The following ASAP1 variants were observed in gnomAD, a reference collection of about 807,000 sequenced individuals.
ASAP1 encodes ArfGAP with SH3 domain, ankyrin repeat and PH domain 1, also known as arf-GAP with SH3 domain, ANK repeat and PH domain-containing protein 1.
A neutral mutation model predicts 145.2 loss-of-function variants in ASAP1; 43 were observed. That is an observed-to-expected ratio of 0.30 (90% CI 0.23 to 0.38). The LOEUF is 0.38. Ranked by LOEUF, ASAP1 falls within the 10% of genes least tolerant of loss-of-function variation. The pLI is 1.00. For synonymous variants in ASAP1, 546 were observed against 515.5 expected (o/e 1.06, Z -0.80); for missense variants, 1,018 against 1,355.3 (o/e 0.75, Z 3.91).
intron 2 of ASAP1, among the ~76,000 whole-genome samples, chr8:130,394,975 C>T (rs1231072264): frequency 1.3e-5 from 2 of 152,168 alleles, no homozygotes; most frequent in African/African-American, 2.4e-5. Flanking sequence ...CCCAGCTTTC[C>T]AATCAAGGTA....
intron 1 of ASAP1, among the ~76,000 whole-genome samples, chr8:130,443,125 C>G (rs1228041824): frequency 2.0e-5 from 3 of 152,078 alleles, no homozygotes; most frequent in South Asian, 4.1e-4. Context: ...CGGGCCCTCC[C>G]CCGGAGGGGG....
intron 2 of ASAP1, among the ~76,000 whole-genome samples, chr8:130,359,004 G>C (rs534401539): frequency 1.1e-3 from 170 of 152,168 alleles, no homozygotes; most frequent in South Asian, 2.5e-3. Context: ...GAGGGCCGCC[G>C]ACCCCGCGAA....
At chr8:130,344,838 A>G (rs937715706) in intron 3 of ASAP1, among the ~76,000 whole-genome samples, 4 of 152,210 alleles carry the variant, frequency 2.6e-5, no homozygotes, top group Admixed American at 2.6e-4. Flanking sequence ...AACAGACTAT[A>G]AAAGGTATGG....
intron 24 of ASAP1, among the ~76,000 whole-genome samples, chr8:130,102,294 T>G (rs916022426): frequency 1.5e-4 from 23 of 152,206 alleles, no homozygotes; most frequent in African/African-American, 4.8e-4. Flanking sequence ...TTATTGAAGG[T>G]TTTTATTATG....
At chr8:130,088,358 G>C (rs2097498266) in intron 25 of ASAP1, among the ~76,000 whole-genome samples, 1 of 152,164 alleles carries the variant, frequency 6.6e-6, no homozygotes, top group South Asian at 2.1e-4. Flanking sequence ...TTGAACTCCA[G>C]ACCTCAAGTG....
chr8:130,220,155 T>C (rs1455759083), intron 4 of ASAP1, among the ~76,000 whole-genome samples: 1 of 152,102 alleles, frequency 6.6e-6, no homozygotes, highest in Non-Finnish European at 1.5e-5. Flanking sequence ...AATATGAGAA[T>C]GAAATCTGGT....
intron 11 of ASAP1, among the ~76,000 whole-genome samples, chr8:130,164,626 C>A (rs1479384656): frequency 9.9e-5 from 15 of 152,114 alleles, no homozygotes; most frequent in Non-Finnish European, 4.4e-5. Context: ...ACTCTAAAAA[C>A]AGTTATATAG....
intron 3 of ASAP1, among the ~76,000 whole-genome samples, chr8:130,286,782 G>A (rs1444466486): frequency 1.3e-5 from 2 of 152,158 alleles, no homozygotes; most frequent in African/African-American, 4.8e-5. Context: ...CTGCCCAAAC[G>A]AATGCACAAA....
At chr8:130,396,348 C>T (rs1828529558) in intron 2 of ASAP1, among the ~76,000 whole-genome samples, 1 of 152,140 alleles carries the variant, frequency 6.6e-6, no homozygotes, top group Admixed American at 6.5e-5. Context: ...CACACAGTCG[C>T]TGCTTAATAA....
chr8:130,159,875 C>A lies in ASAP1; in HGVS notation c.999G>T (p.Lys333Asn). The change falls in exon 12 of 30, where the codon AAG becomes AAT. Residue 333 changes from lysine to asparagine, a missense_variant. Transcript: ENST00000518721. Reference protein sequence around the residue: ...YGSEKKGYLLKKSDGIRKVWQ... With the variant: ...YGSEKKGYLLNKSDGIRKVWQ... ...GGGCTCATACATACCCGTCACTTTT[C>A]TTTAGCAGGTACCCCTTCTTTTCAC... The A allele has an allele frequency of 6.2e-7, 1 of 1,613,796 alleles. No homozygotes were observed. The highest frequency in any genetic ancestry group is 8.5e-7 in the Non-Finnish European group (1 of 1,179,690).
chr8:130,111,205 T>A (rs2097546180), intron 24 of ASAP1, among the ~76,000 whole-genome samples: 1 of 87,826 alleles, frequency 1.1e-5, no homozygotes, highest in Non-Finnish European at 2.1e-5. Context: ...AGACCTCATC[T>A]CTACCAAAAA....
chr8:130,191,900 C>G (rs1038597356), intron 5 of ASAP1, among the ~76,000 whole-genome samples: 3 of 152,130 alleles, frequency 2.0e-5, no homozygotes, highest in Admixed American at 2.0e-4. Flanking sequence ...CTTCCTAACC[C>G]TTTCCTGTTG....
At chr8:130,063,589 G>A (rs913567572) in intron 27 of ASAP1, among the ~76,000 whole-genome samples, 3 of 152,136 alleles carry the variant, frequency 2.0e-5, no homozygotes, top group Non-Finnish European at 4.4e-5. Flanking sequence ...GAGGAGACTG[G>A]CCTTCTTGAG....
At chr8:130,422,228 G>T (rs776307407) in intron 1 of ASAP1, among the ~76,000 whole-genome samples, 3 of 152,182 alleles carry the variant, frequency 2.0e-5, no homozygotes, top group Non-Finnish European at 2.9e-5. Flanking sequence ...AACAGCTGCA[G>T]GTGGAGGAAG....
intron 4 of ASAP1, among the ~76,000 whole-genome samples, chr8:130,219,199 T>C (rs528382330): frequency 3.4e-4 from 51 of 151,412 alleles, no homozygotes; most frequent in African/African-American, 1.2e-3. Flanking sequence ...CACATGTCTT[T>C]TTTTTTTTTA....
intron 12 of ASAP1, among the ~76,000 whole-genome samples, chr8:130,155,158 T>A (rs978368390): frequency 4.6e-5 from 7 of 152,174 alleles, no homozygotes; most frequent in Non-Finnish European, 1.0e-4. Context: ...CTTTACTCAT[T>A]AGTTTTACTT....
chr8:130,104,886 G>A (rs1013613450), intron 24 of ASAP1, among the ~76,000 whole-genome samples: 1 of 152,188 alleles, frequency 6.6e-6, no homozygotes, highest in African/African-American at 2.4e-5. Context: ...CTAGAAGATG[G>A]CTTAAAAATT....
At chr8:130,342,025 T>G (rs1260481438) in intron 3 of ASAP1, among the ~76,000 whole-genome samples, 1 of 152,144 alleles carries the variant, frequency 6.6e-6, no homozygotes, top group Non-Finnish European at 1.5e-5. Flanking sequence ...CATCAGGCAT[T>G]TATACCTTTG....
chr8:130,215,872 C>T (rs1816872321), intron 4 of ASAP1, among the ~76,000 whole-genome samples: 1 of 151,430 alleles, frequency 6.6e-6, no homozygotes, highest in South Asian at 2.1e-4. Flanking sequence ...CTACAGTGAG[C>T]TGTGCTTGTG....
Sources: allele counts gnomAD v4.1 joint callset (sites outside exome capture counted in the v4.1 genomes callset), GRCh38; gene constraint gnomAD v4.1.1; transcripts MANE v1.5; gene names NCBI Gene and HGNC (gene_info 2026-07-23, HGNC 2026-07-21).